Variants in CSMD1 observed in about 807,000 individuals in gnomAD.
The protein encoded by CSMD1 is CUB and Sushi multiple domains 1.
CSMD1 carries 213 observed loss-of-function variants against 417.5 expected under a neutral mutation model. The observed-to-expected ratio is 0.51, with a 90% CI of 0.46 to 0.57. CSMD1 has a LOEUF of 0.57. CSMD1 is among the 20% of genes least tolerant of loss of function. The pLI is 0.00. For synonymous variants in CSMD1, 2,862 were observed against 1,736.8 expected, an observed-to-expected ratio of 1.65 and a Z score of -16.11; for missense variants, 6,923 against 4,529.7, an observed-to-expected ratio of 1.53 and a Z score of -15.17.
chr8:4,692,051 C>T (rs537788835), intron 1 of CSMD1, among the ~76,000 whole-genome samples: 37 of 152,220 alleles, frequency 2.4e-4, no homozygotes, highest in South Asian at 1.2e-3. Context: ...TATGATAATG[C>T]GGGGCACACA....
At chr8:4,883,083 A>C (rs911387074) in intron 1 of CSMD1, among the ~76,000 whole-genome samples, 2 of 152,206 alleles carry the variant, frequency 1.3e-5, no homozygotes, top group Admixed American at 1.3e-4. Flanking sequence ...AGCAGAGAAA[A>C]TCTGGAGTCC....
intron 5 of CSMD1, among the ~76,000 whole-genome samples, chr8:3,971,787 C>T (rs914367125): frequency 6.6e-6 from 1 of 152,182 alleles, no homozygotes; most frequent in Non-Finnish European, 1.5e-5. Flanking sequence ...GTGTAGAGAA[C>T]AGAATTAAAT....
At chr8:4,440,994 C>G (rs1335181691) in intron 2 of CSMD1, among the ~76,000 whole-genome samples, 1 of 126,584 alleles carries the variant, frequency 7.9e-6, no homozygotes, top group South Asian at 2.5e-4. Flanking sequence ...GAGACTCTAT[C>G]TCAAAAAAAA....
chr8:4,211,926 G>T (rs978768552), intron 3 of CSMD1, among the ~76,000 whole-genome samples: 1 of 152,166 alleles, frequency 6.6e-6, no homozygotes, highest in Non-Finnish European at 1.5e-5. Context: ...CTATTAGGAA[G>T]AAAGGGTAAT....
intron 1 of CSMD1, among the ~76,000 whole-genome samples, chr8:4,827,350 T>C (rs1799893201): frequency 6.6e-6 from 1 of 152,132 alleles, no homozygotes; most frequent in African/African-American, 2.4e-5. Context: ...AAGAGCACAC[T>C]AAGACACACA....
At chr8:4,667,014 G>T (rs1804980225) in intron 1 of CSMD1, among the ~76,000 whole-genome samples, 1 of 151,978 alleles carries the variant, frequency 6.6e-6, no homozygotes, top group South Asian at 2.1e-4. Flanking sequence ...ATCATTTTGA[G>T]TTAACTTTTG....
At chr8:4,949,456 T>C (rs1808589724) in intron 1 of CSMD1, among the ~76,000 whole-genome samples, 1 of 152,202 alleles carries the variant, frequency 6.6e-6, no homozygotes, top group African/African-American at 2.4e-5. Flanking sequence ...TAGAAAAATA[T>C]TCAACCACTG....
chr8:3,953,492 G>T (rs1218217721), intron 5 of CSMD1, among the ~76,000 whole-genome samples: 1 of 152,158 alleles, frequency 6.6e-6, no homozygotes, highest in South Asian at 2.1e-4. Flanking sequence ...TATGGGCTGA[G>T]TTTGGGGGTT....
In CSMD1 at chr8:4,903,948, A is replaced by G. The variant is rs943076876; in HGVS notation, c.85+90384T>C. ...CCTTGAGCCTATTACGGAATTTGCT[A>G]TTATAATTTAAATAAATCTTCTCAT... is the stretch of plus-strand genomic sequence containing the variant. On this transcript the variant is annotated intron_variant, in intron 1 of 69. Coordinates refer to ENST00000635120, the MANE Select transcript of CSMD1 (RefSeq NM_033225.6). Among the ~76,000 whole-genome samples, 8 of 152,338 alleles carry G rather than the reference A, an allele frequency of 5.3e-5. 1 individual carries two copies. In the South Asian group the frequency reaches 1.0e-3, roughly 20 times the overall value.
chr8:3,393,099 A>G (rs2116838870), intron 17 of CSMD1, among the ~76,000 whole-genome samples: 1 of 152,306 alleles, frequency 6.6e-6, no homozygotes, highest in South Asian at 2.1e-4. Context: ...AAGTGATCCC[A>G]AGTCAAGGTT....
intron 3 of CSMD1, among the ~76,000 whole-genome samples, chr8:4,282,594 G>T (rs538563680): frequency 6.6e-6 from 1 of 152,188 alleles, no homozygotes; most frequent in Non-Finnish European, 1.5e-5. Flanking sequence ...GATCTTAGAA[G>T]ATTACAGTCA....
chr8:4,784,644 T>C (rs1325657945), intron 1 of CSMD1, among the ~76,000 whole-genome samples: 3 of 152,182 alleles, frequency 2.0e-5, no homozygotes, highest in Non-Finnish European at 4.4e-5. Context: ...CCATTATGCC[T>C]CCATTAAAAG....
intron 2 of CSMD1, among the ~76,000 whole-genome samples, chr8:4,506,089 T>C (rs1340041487): frequency 6.6e-6 from 1 of 152,128 alleles, no homozygotes; most frequent in African/African-American, 2.4e-5. Flanking sequence ...ATAACCAAAA[T>C]TAATTACCAC....
At chr8:3,304,348 C>G (rs1269085343) in intron 25 of CSMD1, among the ~76,000 whole-genome samples, 2 of 152,014 alleles carry the variant, frequency 1.3e-5, no homozygotes, top group Non-Finnish European at 2.9e-5. Flanking sequence ...AAGGCTAAGA[C>G]CAGACACCAT....
intron 65 of CSMD1, among the ~76,000 whole-genome samples, chr8:2,953,599 T>C (rs996286787): frequency 2.0e-5 from 3 of 152,200 alleles, no homozygotes; most frequent in Non-Finnish European, 2.9e-5. Context: ...CATTTTGTTA[T>C]TTAAAAATAA....
chr8:3,247,047 G>C (rs924053483), intron 26 of CSMD1, among the ~76,000 whole-genome samples: 20 of 152,198 alleles, frequency 1.3e-4, no homozygotes, highest in Non-Finnish European at 2.6e-4. Context: ...ATTGGTGTAA[G>C]TGAAGATCTA....
intron 1 of CSMD1, among the ~76,000 whole-genome samples, chr8:4,688,668 C>T (rs1392520630): frequency 6.6e-6 from 1 of 152,126 alleles, no homozygotes; most frequent in Non-Finnish European, 1.5e-5. Flanking sequence ...AACAATGCTT[C>T]CTATTTACAT....
At chr8:3,654,139 C>A (rs557186291) in intron 7 of CSMD1, among the ~76,000 whole-genome samples, 1 of 152,198 alleles carries the variant, frequency 6.6e-6, no homozygotes, top group Non-Finnish European at 1.5e-5. Context: ...CTCATCTTCA[C>A]AGGACACCCT....
At chr8:4,481,695 T>C (rs536677531) in intron 2 of CSMD1, among the ~76,000 whole-genome samples, 41 of 152,336 alleles carry the variant, frequency 2.7e-4, no homozygotes, top group Non-Finnish European at 3.8e-4. Context: ...GGACTCAGTC[T>C]ATTTGGTTTG....
Sources: allele counts gnomAD v4.1 joint callset (sites outside exome capture counted in the v4.1 genomes callset), GRCh38; gene constraint gnomAD v4.1.1; transcripts MANE v1.5; gene names NCBI Gene and HGNC (gene_info 2026-07-23, HGNC 2026-07-21).